ZNF423: variants seen among roughly 807,000 people sequenced by gnomAD.
ZNF423 encodes the protein zinc finger protein 423, also known as Ebf-associated zinc finger protein.
A neutral mutation model predicts 95.8 loss-of-function variants in ZNF423; 12 were observed. The ratio of observed to expected loss-of-function variants is 0.13; its 90% CI spans 0.08 to 0.20. The LOEUF is 0.20. Among genes scored for constraint, ZNF423 ranks in the 10% least tolerant of loss-of-function variants. The pLI is 1.00. For synonymous variants in ZNF423, 749 were observed against 711.9 expected, an observed-to-expected ratio of 1.05 and a Z score of -0.83; for missense variants, 1,316 against 1,737.1, an observed-to-expected ratio of 0.76 and a Z score of 4.31.
At chr16:49,722,413 T>A (rs1596920377) in intron 3 of ZNF423, among the ~76,000 whole-genome samples, 2 of 152,298 alleles carry the variant, frequency 1.3e-5, no homozygotes, top group Non-Finnish European at 2.9e-5. Flanking sequence ...CAGCACTTCA[T>A]CACACAAGTC....
At chr16:49,685,287 C>T (rs1441360550) in intron 3 of ZNF423, among the ~76,000 whole-genome samples, 1 of 152,210 alleles carries the variant, frequency 6.6e-6, no homozygotes, top group African/African-American at 2.4e-5. Flanking sequence ...CAGGTCTCCA[C>T]AACAGATATT....
intron 2 of ZNF423, among the ~76,000 whole-genome samples, chr16:49,746,524 C>T (rs2033527581): frequency 6.6e-6 from 1 of 152,136 alleles, no homozygotes; most frequent in Admixed American, 6.5e-5. Context: ...GTCACCCTGG[C>T]TGGAGAGCAG....
At position 49,638,481 on chromosome 16, in the gene ZNF423, C is replaced by T. The variant is rs372680991; in HGVS notation, c.695G>A (p.Cys232Tyr). The change falls in exon 4 of 8, where the codon TGC becomes TAC. Residue 232 changes from cysteine to tyrosine, a missense_variant. By Grantham distance (194) the Cys-to-Tyr change is radical. Coordinates refer to ENST00000563137, the MANE Select transcript of ZNF423 (RefSeq NM_001379286.1). The surrounding 1 kb of genome is among the most constrained non-coding windows in gnomAD (Gnocchi z 5.6). ...GGAGAAGCCGCGCTTGCACACAGTGCACTTGAAGGGCTTGCTGGAGCTGTG... is the reference window on the plus strand; with the variant it reads ...GGAGAAGCCGCGCTTGCACACAGTGTACTTGAAGGGCTTGCTGGAGCTGTG... ...KTHSSSKPFK[C>Y]TVCKRGFSST... The T allele has an allele frequency of 5.0e-6, 8 of 1,613,870 alleles. No individual in the cohort carries two copies. Among genetic ancestry groups the T allele is most frequent in the Non-Finnish European group, 6.8e-6 (8 of 1,180,044 alleles).
intron 1 of ZNF423, chr16:49,826,639 A>G (rs2035008262): frequency 6.6e-6 from 1 of 152,248 alleles, no homozygotes; most frequent in South Asian, 2.1e-4. Context: ...GCTTATGTCT[A>G]GTGCCTGGGA....
intron 1 of ZNF423, among the ~76,000 whole-genome samples, chr16:49,851,545 T>C (rs1336753488): frequency 6.6e-6 from 1 of 152,236 alleles, no homozygotes; most frequent in Non-Finnish European, 1.5e-5. Context: ...TGTACTCAAG[T>C]GCTCCAGTTT....
At chr16:49,547,889 G>A (rs573306079) in intron 5 of ZNF423, among the ~76,000 whole-genome samples, 45 of 152,326 alleles carry the variant, frequency 3.0e-4, no homozygotes, top group African/African-American at 1.1e-3. Context: ...ACATAATTGG[G>A]AAGGAGGTTA....
At chr16:49,516,674 G>A (rs79020782) in intron 7 of ZNF423, among the ~76,000 whole-genome samples, 2,197 of 152,322 alleles carry the variant, frequency 0.014, 59 homozygotes, top group African/African-American at 0.05. Flanking sequence ...TTTCTGGACA[G>A]TTTTCCCGCA....
chr16:49,799,750 C>T (rs1379048344), intron 1 of ZNF423, among the ~76,000 whole-genome samples: 1 of 152,172 alleles, frequency 6.6e-6, no homozygotes. Flanking sequence ...TAAAATAGGA[C>T]AATGAGTGTG....
chr16:49,804,768 A>AC (rs949611117), intron 1 of ZNF423, among the ~76,000 whole-genome samples: 7 of 152,170 alleles, frequency 4.6e-5, no homozygotes, highest in African/African-American at 1.7e-4. Flanking sequence ...CAGGTAACAC[A>AC]CCAACCCTGT....
intron 3 of ZNF423, among the ~76,000 whole-genome samples, chr16:49,679,293 G>A (rs1016813347): frequency 1.3e-5 from 2 of 152,212 alleles, no homozygotes; most frequent in East Asian, 1.9e-4. Flanking sequence ...GGCGGGAGCC[G>A]GAAACAGGTG....
chr16:49,740,941 C>T lies in ZNF423; in HGVS notation c.101-9970G>A, dbSNP rs532604845. 5.9e-5 allele frequency among the ~76,000 whole-genome samples: 9 copies of T among 152,338 alleles called. No individual in the cohort carries two copies. The South Asian group carries it at 1.9e-3, about 32-fold the overall frequency. Reference sequence around the variant, plus strand: ...CCTTTGTATCTTTCGCCTCGTGACCCCCAGCCCCTGTCAGGGAGACGTTAC... The same window carrying T: ...CCTTTGTATCTTTCGCCTCGTGACCTCCAGCCCCTGTCAGGGAGACGTTAC... On this transcript the variant is annotated intron_variant, in intron 2 of 7. Coordinates refer to ENST00000563137, the MANE Select transcript of ZNF423 (RefSeq NM_001379286.1).
chr16:49,531,616 G>A (rs1051634280), intron 5 of ZNF423, among the ~76,000 whole-genome samples: 5 of 152,142 alleles, frequency 3.3e-5, no homozygotes, highest in South Asian at 2.1e-4. Context: ...AGATTGGGCC[G>A]TTTATCTATT....
chr16:49,601,724 C>T lies in ZNF423; in HGVS notation c.3601+24446G>A, dbSNP rs547272797. ...GGAGAGCTGCAAGCTTCTCTCTGGG[C>T]TCAGTCAGCCTGTGGTCCCCCCTTG... On this transcript the variant is annotated intron_variant, in intron 5 of 7. Transcript: ENST00000563137. 2.6e-5 allele frequency among the ~76,000 whole-genome samples: 4 copies of T among 152,332 alleles called. No individual in the cohort carries two copies. In the East Asian group the frequency reaches 5.8e-4, roughly 22 times the overall value.
rs1255023289 is a variant in ZNF423 at position 49,855,164 on chromosome 16, G to T, written c.40+571C>A. 6.7e-6 allele frequency among the ~76,000 whole-genome samples: 1 copy of T among 150,056 alleles called. No individual in the cohort carries two copies. The highest frequency in any genetic ancestry group is 1.5e-5 in the Non-Finnish European group (1 of 67,280). On this transcript the variant is annotated intron_variant, in intron 1 of 7. Transcript: ENST00000563137. This position sits in a 1 kb window ranked among gnomAD's most constrained non-coding sequence, Gnocchi z 4.7. The stretch of plus-strand genomic sequence containing the variant: ...CGGGAGGGGGCGCCAGGCGGCCGGG[G>T]CGAGGGCGCGGCGCCCGGGGCGCTC...
chr16:49,596,172 GA>G (rs912253655), intron 5 of ZNF423, among the ~76,000 whole-genome samples: 1 of 151,590 alleles, frequency 6.6e-6, no homozygotes, highest in African/African-American at 2.4e-5. Context: ...TTTACATTGG[GA>G]AAAAAAAATG....
intron 1 of ZNF423, among the ~76,000 whole-genome samples, chr16:49,832,280 G>A (rs1057042456): frequency 5.3e-5 from 8 of 152,316 alleles, no homozygotes; most frequent in East Asian, 1.9e-4. Context: ...GCTGGGCGGC[G>A]ATGCTGCCTG....
intron 5 of ZNF423, among the ~76,000 whole-genome samples, 188 bp from the exon 6 acceptor site, chr16:49,525,682 C>T (rs1255063137): frequency 6.6e-6 from 1 of 152,100 alleles, no homozygotes; most frequent in East Asian, 1.9e-4. Flanking sequence ...GCTTACAGAC[C>T]CCAGAGGACC....
At chr16:49,664,083 C>T in intron 3 of ZNF423, 1 of 985,656 alleles carries the variant, frequency 1.0e-6, no homozygotes, top group Non-Finnish European at 1.2e-6. Flanking sequence ...TCCCATGCCT[C>T]CGCTTACCTT....
intron 2 of ZNF423, among the ~76,000 whole-genome samples, chr16:49,740,355 T>C (rs1472830735): frequency 6.6e-6 from 1 of 152,166 alleles, no homozygotes; most frequent in Non-Finnish European, 1.5e-5. Context: ...GAACACTCTC[T>C]CAAGCAGGCC....
Sources: gnomAD v4.1 joint callset for allele counts (sites outside exome capture counted in the v4.1 genomes callset) on GRCh38, gnomAD v4.1.1 for gene constraint, Gnocchi (gnomAD v3.1) non-coding constraint, MANE v1.5 for transcripts, NCBI Gene and HGNC (gene_info 2026-07-23, HGNC 2026-07-21) for gene names.